DOCK9: variants seen among roughly 807,000 people sequenced by gnomAD.
DOCK9 encodes the protein dedicator of cytokinesis 9, also known as dedicator of cytokinesis protein 9.
DOCK9 carries 89 observed loss-of-function variants against 263.3 expected under a neutral mutation model. The observed-to-expected ratio is 0.34, with a 90% CI of 0.28 to 0.40. DOCK9 has a LOEUF of 0.40. DOCK9 is among the 10% of genes least tolerant of loss of function. The pLI, the probability that DOCK9 is intolerant of heterozygous loss-of-function variation, is 1.00. For synonymous variants in DOCK9, 976 were observed against 973.1 expected, an observed-to-expected ratio of 1.00 and a Z score of -0.06; for missense variants, 2,140 against 2,603.4, an observed-to-expected ratio of 0.82 and a Z score of 3.87.
chr13:99,025,418 A>G (rs1886595751), intron 1 of DOCK9: 1 of 152,208 alleles, frequency 6.6e-6, no homozygotes, highest in Non-Finnish European at 1.5e-5. Context: ...GTGAAGAATC[A>G]TTGGGGAAAT....
intron 1 of DOCK9, among the ~76,000 whole-genome samples, chr13:99,004,081 C>G (rs1378990207): frequency 6.6e-6 from 1 of 152,174 alleles, no homozygotes. Flanking sequence ...ACTTTGCTCC[C>G]TCTGCAGAAA....
chr13:98,912,524 T>A (rs890793979), intron 9 of DOCK9, among the ~76,000 whole-genome samples: 2 of 152,136 alleles, frequency 1.3e-5, no homozygotes, highest in Non-Finnish European at 2.9e-5. Flanking sequence ...TAACCCATAG[T>A]TTAAAAATAG....
intron 1 of DOCK9, among the ~76,000 whole-genome samples, chr13:99,050,614 A>C (rs2040645750): frequency 6.6e-6 from 1 of 152,154 alleles, no homozygotes; most frequent in African/African-American, 2.4e-5. Context: ...AATAGCTTGA[A>C]TGCTGGAGGG....
chr13:99,040,171 T>C (rs529898916), intron 1 of DOCK9, among the ~76,000 whole-genome samples: 2 of 152,164 alleles, frequency 1.3e-5, no homozygotes, highest in Non-Finnish European at 2.9e-5. Context: ...CCCTACCTCA[T>C]GTATGGATAC....
intron 1 of DOCK9, among the ~76,000 whole-genome samples, chr13:98,970,743 C>A (rs2059654432): frequency 6.6e-6 from 1 of 152,174 alleles, no homozygotes; most frequent in Non-Finnish European, 1.5e-5. Context: ...GTATTTCAAA[C>A]TTCTGGAAAG....
chr13:98,883,422 A>G (rs979012229), intron 22 of DOCK9, among the ~76,000 whole-genome samples: 1 of 152,082 alleles, frequency 6.6e-6, no homozygotes, highest in African/African-American at 2.4e-5. Flanking sequence ...TAATTTTTGT[A>G]TTTTTGTAGA....
At chr13:98,981,235 T>C (rs1203611292), upstream of DOCK9, among the ~76,000 whole-genome samples, 1 of 152,038 alleles carries the variant, frequency 6.6e-6, no homozygotes, top group Non-Finnish European at 1.5e-5. Flanking sequence ...TTTTATATTT[T>C]CTGTAAAGAC....
rs186684795 is a variant in DOCK9, at chr13:99,046,074, C to A, written c.129+40149G>T. Among the ~76,000 whole-genome samples the A allele has an allele frequency of 6.0e-5, 9 of 149,218 alleles. No individual in the cohort carries two copies. The East Asian group carries it at 1.2e-3, about 20-fold the overall frequency. ...TGAGATTGTGCCACTGCACTCCAGC[C>A]TGGGTGACAGAGTGAGACTCAGTCT... On this transcript the variant is annotated intron_variant, in intron 1 of 32. Coordinates refer to the DOCK9 transcript ENST00000427887.
chr13:98,799,459 A>C (rs2089845902), intron 50 of DOCK9, among the ~76,000 whole-genome samples: 1 of 152,238 alleles, frequency 6.6e-6, no homozygotes, highest in African/African-American at 2.4e-5. Context: ...ACACTTACCA[A>C]TTAACTAGGA....
chr13:99,062,310 T>C (rs1054336264), intron 1 of DOCK9, among the ~76,000 whole-genome samples: 3 of 152,320 alleles, frequency 2.0e-5, no homozygotes, highest in Middle Eastern at 3.4e-3. Flanking sequence ...TTGTATAAAG[T>C]TTACATTTAC....
Position 98,901,918 on chromosome 13 carries a change from T to G in DOCK9, c.1381-18A>C, listed in dbSNP as rs1253397045. The G allele has an allele frequency of 3.7e-6, 6 of 1,609,054 alleles. No homozygotes were observed. Among genetic ancestry groups the G allele is most frequent in the Non-Finnish European group, 5.1e-6 (6 of 1,177,728 alleles). On this transcript the variant is annotated intron_variant, in intron 12 of 52. Coordinates refer to ENST00000682017, the MANE Select transcript of DOCK9 (RefSeq NM_001366683.2). ...AATATTCCCTAGGAGGCAAACAATTTTCTTCAGTAAGCAGAATTCACAGCT... is the reference window on the plus strand; with the variant it reads ...AATATTCCCTAGGAGGCAAACAATTGTCTTCAGTAAGCAGAATTCACAGCT...
In DOCK9 at chr13:98,809,395, C is replaced by T. The variant is rs773845191; in HGVS notation, c.5324G>A (p.Arg1775His). The T allele has an allele frequency of 1.2e-6, 2 of 1,613,664 alleles. No individual in the cohort carries two copies. The highest frequency in any genetic ancestry group is 1.1e-5 in the South Asian group (1 of 91,058). ...SKVTEVMHSGRRLLGTYFRVA... is the reference protein window; with the variant it reads ...SKVTEVMHSGHRLLGTYFRVA... ...CCGGAAGTAGGTCCCCAGAAGCCTGCGGCCCGAGTGCATGACCTCGGTCAC... is the reference window on the plus strand; with the variant it reads ...CCGGAAGTAGGTCCCCAGAAGCCTGTGGCCCGAGTGCATGACCTCGGTCAC... Residue 1775 changes from arginine to histidine, a missense_variant, in exon 47 of 53, where the codon CGC (arginine) becomes CAC (histidine). Arg to His is a conservative substitution (Grantham distance 29). Transcript: ENST00000682017.
chr13:98,922,856 T>A (rs915716163), intron 5 of DOCK9, among the ~76,000 whole-genome samples: 2 of 152,206 alleles, frequency 1.3e-5, no homozygotes, highest in African/African-American at 4.8e-5. Context: ...TTTATATAGT[T>A]CTTTAGCCAT....
At chr13:99,072,291 A>G (rs766805192) in intron 1 of DOCK9, among the ~76,000 whole-genome samples, 1 of 152,136 alleles carries the variant, frequency 6.6e-6, no homozygotes, top group Non-Finnish European at 1.5e-5. Flanking sequence ...TACAGTGTGC[A>G]TTGAGCCTTA....
chr13:98,900,485 C>G (rs2048106385), intron 13 of DOCK9, among the ~76,000 whole-genome samples: 1 of 152,180 alleles, frequency 6.6e-6, no homozygotes, highest in Non-Finnish European at 1.5e-5. Flanking sequence ...TCTCCAGAGA[C>G]CAAACTTTAC....
chr13:98,905,425 C>T (rs1440587657), intron 9 of DOCK9, among the ~76,000 whole-genome samples: 1 of 151,924 alleles, frequency 6.6e-6, no homozygotes, highest in African/African-American at 2.4e-5. Flanking sequence ...AGGGGGTGGT[C>T]GTCAGAAACC....
intron 45 of DOCK9, among the ~76,000 whole-genome samples, chr13:98,819,422 T>C (rs1384630171): frequency 1.3e-5 from 2 of 152,226 alleles, no homozygotes; most frequent in Admixed American, 6.5e-5. Flanking sequence ...CTGGAGGGAC[T>C]GTGGTTGAGG....
intron 19 of DOCK9, 78 bp from the exon 20 acceptor site, chr13:98,885,909 T>TGGGTA: frequency 7.1e-7 from 1 of 1,405,738 alleles, no homozygotes; most frequent in Non-Finnish European, 9.6e-7. Flanking sequence ...CAGTATGTGT[T>TGGGTA]ACCCAACGCA....
intron 2 of DOCK9, among the ~76,000 whole-genome samples, chr13:98,953,064 A>G (rs1278143930): frequency 1.3e-5 from 2 of 152,220 alleles, no homozygotes; most frequent in African/African-American, 4.8e-5. Flanking sequence ...CCTTTCACTC[A>G]TCCAGCTAAT....
Sources: allele counts gnomAD v4.1 joint callset (sites outside exome capture counted in the v4.1 genomes callset), GRCh38; gene constraint gnomAD v4.1.1; transcripts MANE v1.5; gene names NCBI Gene and HGNC (gene_info 2026-07-23, HGNC 2026-07-21).